The following ZIM2 variants were observed in gnomAD, a reference collection of about 807,000 sequenced individuals.
ZIM2 encodes zinc finger protein 656.
ZIM2 carries 14 observed loss-of-function variants against 38.6 expected under a neutral mutation model. That is an observed-to-expected ratio of 0.36 (90% CI 0.24 to 0.57). The LOEUF (loss-of-function observed/expected upper bound fraction) is 0.57, where lower values mean the gene tolerates loss of function less well. ZIM2 is among the 20% of genes least tolerant of loss of function. The pLI, the probability that ZIM2 is intolerant of heterozygous loss-of-function variation, is 0.81. For synonymous variants in ZIM2, 247 were observed against 245.8 expected, an observed-to-expected ratio of 1.00 and a Z score of -0.04; for missense variants, 680 against 695.1, an observed-to-expected ratio of 0.98 and a Z score of 0.24.
chr19:56,828,665 AAC>A (rs1448356574), intron 2 of ZIM2, among the ~76,000 whole-genome samples: 11 of 152,336 alleles, frequency 7.2e-5, no homozygotes, highest in African/African-American at 2.6e-4. Flanking sequence ...AGTATTTTAT[AAC>A]ACAGATGACA....
chr19:56,799,221 T>G (rs1253592264), intron 9 of ZIM2: 1 of 152,038 alleles, frequency 6.6e-6, no homozygotes, highest in Non-Finnish European at 1.5e-5. Flanking sequence ...ATGACAGACT[T>G]GATAAAGGAA....
chr19:56,811,259 A>G, intron 9 of ZIM2: 1 of 942,148 alleles, frequency 1.1e-6, no homozygotes, highest in Non-Finnish European at 1.3e-6. Flanking sequence ...TACAACAACA[A>G]CACCACAACA....
chr19:56,813,264 A>G lies in ZIM2; in HGVS notation c.490+4482T>C, dbSNP rs144170438. The G allele has an allele frequency of 2.2e-4, 217 of 965,020 alleles. 1 individual carries two copies. The African/African-American group carries it at 3.5e-3, about 16-fold the overall frequency. The allele number at this position is 965,020 out of a possible 1,614,324, so 59.8% of individuals were successfully genotyped here. A position where few individuals can be genotyped will look rare whatever the true frequency, so the allele number is the denominator to read the frequency against. On this transcript the variant is annotated intron_variant, in intron 9 of 12. Coordinates refer to ENST00000629319, the MANE Select transcript of ZIM2 (RefSeq NM_001387356.1). ...CCTCTGCAGAGTAAACTGTAACTGTATATCATATAAATCCAAATATATGTG... is the reference window on the plus strand; with the variant it reads ...CCTCTGCAGAGTAAACTGTAACTGTGTATCATATAAATCCAAATATATGTG...
intron 12 of ZIM2, among the ~76,000 whole-genome samples, chr19:56,778,925 G>C (rs1399619948): frequency 1.3e-5 from 2 of 152,136 alleles, no homozygotes; most frequent in East Asian, 3.9e-4. Flanking sequence ...GCGTATATGT[G>C]TGTCTGAGTT....
intron 2 of ZIM2, among the ~76,000 whole-genome samples, chr19:56,830,534 G>A (rs1359782990): frequency 1.3e-5 from 2 of 152,188 alleles, no homozygotes; most frequent in East Asian, 3.8e-4. Flanking sequence ...GTGGGGACAA[G>A]GAAGGGACAG....
At chr19:56,823,363 A>C (rs1029498299) in intron 5 of ZIM2, among the ~76,000 whole-genome samples, 4 of 152,322 alleles carry the variant, frequency 2.6e-5, no homozygotes, top group African/African-American at 9.6e-5. Context: ...ATAGCTTTAT[A>C]TACTTTATCG....
At chr19:56,795,138 CCT>C (rs1484080389) in intron 9 of ZIM2, among the ~76,000 whole-genome samples, 1 of 152,000 alleles carries the variant, frequency 6.6e-6, no homozygotes, top group Non-Finnish European at 1.5e-5. Context: ...CACTGCAACC[CCT>C]GCCTCCTGGG....
At chr19:56,833,130 T>A (rs1274165229) in intron 2 of ZIM2, 2 of 516,484 alleles carry the variant, frequency 3.9e-6, no homozygotes, top group Non-Finnish European at 7.7e-6. Flanking sequence ...GGACCATGTG[T>A]GAGAAGAAAT....
intron 9 of ZIM2, chr19:56,813,991 C>T: frequency 6.2e-7 from 1 of 1,614,150 alleles, no homozygotes; most frequent in African/African-American, 1.3e-5. Flanking sequence ...AATTCCCACA[C>T]CGTCAGGCTC....
At chr19:56,797,486 ATG>A (rs539840035) in intron 9 of ZIM2, among the ~76,000 whole-genome samples, 1 of 152,130 alleles carries the variant, frequency 6.6e-6, no homozygotes, top group Non-Finnish European at 1.5e-5. Flanking sequence ...CAAGTCTTTT[ATG>A]TGTGTGTGTT....
At chr19:56,776,691 A>G (rs1175673692) in intron 12 of ZIM2, among the ~76,000 whole-genome samples, 3 of 152,188 alleles carry the variant, frequency 2.0e-5, no homozygotes, top group Non-Finnish European at 4.4e-5. Context: ...GCATTATCTA[A>G]CCAGATGGGT....
intron 10 of ZIM2, among the ~76,000 whole-genome samples, chr19:56,783,807 CAT>C (rs1294415985): frequency 2.0e-5 from 3 of 152,092 alleles, no homozygotes; most frequent in African/African-American, 4.8e-5. Flanking sequence ...CAAACCTGCA[CAT>C]GTGTGCCCTG....
chr19:56,778,492 G>A (rs1367089453), intron 12 of ZIM2, among the ~76,000 whole-genome samples: 1 of 152,192 alleles, frequency 6.6e-6, no homozygotes, highest in African/African-American at 2.4e-5. Context: ...GAAAAATCAG[G>A]AGAGCTGGAA....
At chr19:56,821,832 G>A in intron 6 of ZIM2, 78 bp from the exon 7 acceptor site, 10 of 1,497,310 alleles carry the variant, frequency 6.7e-6, no homozygotes, top group Non-Finnish European at 8.3e-6. Context: ...ACTCAACTAT[G>A]AAGCCAGCTG....
intron 1 of ZIM2, among the ~76,000 whole-genome samples, chr19:56,836,969 CAAAA>C (rs573566620): frequency 2.8e-4 from 33 of 116,944 alleles, no homozygotes; most frequent in African/African-American, 8.8e-4. Context: ...GACTCTGTCT[CAAAA>C]AAAAAAAAAA....
intron 3 of ZIM2, among the ~76,000 whole-genome samples, chr19:56,825,846 T>C (rs2060971484): frequency 6.6e-6 from 1 of 152,168 alleles, no homozygotes; most frequent in Admixed American, 6.5e-5. Context: ...AAACTGAAGG[T>C]GTTTCCATTA....
chr19:56,839,418 G>C (rs1208717865), intron 1 of ZIM2, among the ~76,000 whole-genome samples: 4 of 151,236 alleles, frequency 2.6e-5, no homozygotes, highest in Non-Finnish European at 5.9e-5. Flanking sequence ...TGGCGTCCAA[G>C]CGGGCAGGGC....
At chr19:56,822,635 G>T in intron 6 of ZIM2, 118 bp downstream of exon 6, 1 of 1,397,016 alleles carries the variant, frequency 7.2e-7, no homozygotes, top group Non-Finnish European at 9.8e-7. Context: ...TTTTGGGGAA[G>T]CGGAATATAC....
intron 12 of ZIM2, among the ~76,000 whole-genome samples, chr19:56,776,409 T>C (rs2046011605): frequency 6.6e-6 from 1 of 152,162 alleles, no homozygotes; most frequent in Non-Finnish European, 1.5e-5. Flanking sequence ...ATTCAGAACT[T>C]TTAATATGCA....
Sources: allele counts gnomAD v4.1 joint callset (sites outside exome capture counted in the v4.1 genomes callset), GRCh38; gene constraint gnomAD v4.1.1; transcripts MANE v1.5; gene names NCBI Gene and HGNC (gene_info 2026-07-23, HGNC 2026-07-21).